Variants in KIF19 observed in about 807,000 individuals in gnomAD.
KIF19 encodes the protein kinesin family member 19, also known as kinesin-like protein KIF19.
A neutral mutation model predicts 106.6 loss-of-function variants in KIF19; 98 were observed. The ratio of observed to expected loss-of-function variants is 0.92; its 90% CI spans 0.78 to 1.09. KIF19 has a LOEUF of 1.09. KIF19 is among the 50% of genes least tolerant of loss of function. The probability of loss-of-function intolerance (pLI) is 0.00; values close to 1 mark genes in which losing one functional copy is unlikely to be tolerated. For synonymous variants in KIF19, 516 were observed against 584.2 expected (o/e 0.88, Z 1.68); for missense variants, 1,373 against 1,414.3 (o/e 0.97, Z 0.47).
intron 7 of KIF19, among the ~76,000 whole-genome samples, chr17:74,345,799 C>T (rs1180726493): frequency 6.6e-6 from 1 of 152,100 alleles, no homozygotes; most frequent in Non-Finnish European, 1.5e-5. Flanking sequence ...GGGGGGCTTC[C>T]TGGAAGGCAC....
Position 74,354,501 on chromosome 17 carries a change from C to T in KIF19, c.2648C>T (p.Ser883Leu), listed in dbSNP as rs774294166. 6 of 1,604,932 alleles carry T rather than the reference C, an allele frequency of 3.7e-6. 1 individual carries two copies. The highest frequency in any genetic ancestry group is 4.5e-5 in the East Asian group (2 of 44,578). ...KKSLGKKREE[S>L]LEAKRRKRRS... is the part of the protein sequence containing the mutation. ...AGCCTGGGCAAGAAAAGGGAGGAGT[C>T]GCTGGAGGCAAAGAGAAGGAAGCGG... Residue 883 changes from serine (S) to leucine (L), a missense_variant, in exon 18 of 20, where the codon TCG becomes TTG. Physicochemically the swap from Ser to Leu is moderately radical, Grantham distance 145. Coordinates refer to ENST00000389916, the MANE Select transcript of KIF19 (RefSeq NM_153209.4).
intron 2 of KIF19, among the ~76,000 whole-genome samples, chr17:74,336,998 G>A (rs983160320): frequency 1.3e-5 from 2 of 151,962 alleles, no homozygotes; most frequent in Admixed American, 6.6e-5. Context: ...GCTAGTTTTT[G>A]TATTTTTAGT....
At chr17:74,326,523 G>A in intron 1 of KIF19, 135 bp downstream of exon 1, 1 of 731,124 alleles carries the variant, frequency 1.4e-6, no homozygotes, top group Admixed American at 2.8e-5. Context: ...ACTCTTCAGA[G>A]CAACTTTCCC....
chr17:74,334,037 C>G (rs540763540), intron 2 of KIF19, among the ~76,000 whole-genome samples: 1 of 152,050 alleles, frequency 6.6e-6, no homozygotes, highest in East Asian at 1.9e-4. Flanking sequence ...CTTGCCCAGG[C>G]TGGTCTCAAA....
Position 74,352,359 on chromosome 17 carries a change from G to C in KIF19, c.1980+19G>C, listed in dbSNP as rs752762016. ...CCTGCAGGTGGGTGGGCGCCTGGGCGGCCTGAACATGGGCACATGTGCCCA... is the reference window on the plus strand; with the variant it reads ...CCTGCAGGTGGGTGGGCGCCTGGGCCGCCTGAACATGGGCACATGTGCCCA... On this transcript the variant is annotated intron_variant, in intron 14 of 19. Coordinates refer to ENST00000389916, the MANE Select transcript of KIF19 (RefSeq NM_153209.4). 3.1e-6 allele frequency: 5 copies of C among 1,596,204 alleles called. No homozygotes were observed. The Admixed American group carries it at 7.0e-5, about 22-fold the overall frequency.
Position 74,353,287 on chromosome 17 carries a change from C to T in KIF19, c.2206C>T (p.Leu736=). 6.4e-7 allele frequency: 1 copy of T among 1,572,758 alleles called. No individual in the cohort carries two copies. Among genetic ancestry groups the T allele is most frequent in the Non-Finnish European group, 8.6e-7 (1 of 1,159,722 alleles). Reference sequence around the variant, plus strand: ...CCCACCTCCCATCCAGCTCGGCAGCCTGGTGACGCAGGAGGTGAGCTCTCA... The same window carrying T: ...CCCACCTCCCATCCAGCTCGGCAGCTTGGTGACGCAGGAGGTGAGCTCTCA... The part of the protein sequence containing the change: ...PTPPPIQLGS[L]VTQEAPAQDS... Residue 736 remains leucine (L), a synonymous_variant, in exon 16 of 20, where the codon CTG becomes TTG. Coordinates refer to ENST00000389916, the MANE Select transcript of KIF19 (RefSeq NM_153209.4).
Position 74,355,429 on chromosome 17 carries a change from C to T in KIF19, c.*117C>T, listed in dbSNP as rs1423639791. The stretch of plus-strand genomic sequence containing the variant: ...CCAGGAAGTAAGCTCAGGATCTCAG[C>T]AGGCCAGGGCTCCTGAGACCCAGGA... On this transcript the variant is annotated 3_prime_UTR_variant, in exon 20 of 20. Coordinates refer to ENST00000389916, the MANE Select transcript of KIF19 (RefSeq NM_153209.4). 9 of 1,292,872 alleles carry T rather than the reference C, an allele frequency of 7.0e-6. No homozygotes were observed. In the Admixed American group the frequency reaches 2.6e-4, roughly 37 times the overall value. The allele number at this position is 1,292,872 out of a possible 1,614,324, so 80.1% of individuals were successfully genotyped here.
Position 74,351,981 on chromosome 17 carries a change from C to T in KIF19, c.1702C>T (p.Arg568Cys), listed in dbSNP as rs746682527. 1.3e-6 allele frequency: 2 copies of T among 1,536,282 alleles called. No homozygotes were observed. The highest frequency in any genetic ancestry group is 2.4e-5 in the South Asian group (2 of 83,702). The stretch of plus-strand genomic sequence containing the variant: ...GCGCGAGGTGCTCAGCCTGCTGTGC[C>T]GCGTGCACGAGCTCGAGGTGGAGAA... ...EQREVLSLLC[R>C]VHELEVENTE... Residue 568 changes from arginine to cysteine, a missense_variant, in exon 13 of 20, where the codon CGC becomes TGC. Physicochemically the swap from Arg to Cys is radical, Grantham distance 180. Around this residue, in one of 3 missense-constraint regions of KIF19, gnomAD observed 1,020 missense variants for 1,008.2 expected, o/e 1.01. Coordinates refer to ENST00000389916, the MANE Select transcript of KIF19 (RefSeq NM_153209.4).
chr17:74,327,677 T>C (rs1296776611), intron 1 of KIF19, among the ~76,000 whole-genome samples: 1 of 152,176 alleles, frequency 6.6e-6, no homozygotes, highest in Non-Finnish European at 1.5e-5. Flanking sequence ...TTCGCCGTGT[T>C]GGCCAGGCTG....
At chr17:74,353,390 T>C (rs2054776113) in intron 16 of KIF19, 89 bp downstream of exon 16, 2 of 1,442,872 alleles carry the variant, frequency 1.4e-6, no homozygotes, top group Non-Finnish European at 9.6e-7. Context: ...GATGGACCCT[T>C]TCCCAAACGG....
chr17:74,352,843 C>T lies in KIF19; in HGVS notation c.2003C>T (p.Thr668Ile). Residue 668 changes from threonine (T) to isoleucine (I), a missense_variant, in exon 15 of 20, where the codon ACC (threonine) becomes ATC (isoleucine). Coordinates refer to ENST00000389916, the MANE Select transcript of KIF19 (RefSeq NM_153209.4). ...CAGGACAGCTCCTTGCCCAAAATTA[C>T]CCCAGCAGGAACCTCACTGACCCCA... is the stretch of plus-strand genomic sequence containing the variant. ...ALQDSSLPKI[T>I]PAGTSLTPDS... is the part of the protein sequence containing the mutation. 1.9e-6 allele frequency: 3 copies of T among 1,613,974 alleles called. No individual in the cohort carries two copies. Among genetic ancestry groups the T allele is most frequent in the Non-Finnish European group, 1.7e-6 (2 of 1,179,868 alleles).
chr17:74,352,561 T>C (rs905292074), intron 14 of KIF19, among the ~76,000 whole-genome samples: 1 of 152,112 alleles, frequency 6.6e-6, no homozygotes, highest in South Asian at 2.1e-4. Context: ...CCACCCAGGG[T>C]CTGAGGGTCA....
chr17:74,341,386 C>A (rs1353057346), intron 2 of KIF19, among the ~76,000 whole-genome samples: 1 of 152,198 alleles, frequency 6.6e-6, no homozygotes, highest in Admixed American at 6.5e-5. Context: ...ACAAAATGAG[C>A]CCTGACAGAT....
Position 74,326,238 on chromosome 17 carries a change from A to T in KIF19, c.-112A>T. On this transcript the variant is annotated 5_prime_UTR_variant, in exon 1 of 20. Coordinates refer to ENST00000389916, the MANE Select transcript of KIF19 (RefSeq NM_153209.4). ...CGTTGTTGGTTTCGGGTTGTCAGGC[A>T]GCGCGCGAGGCGGCGGGCAGCTAGC... is the stretch of plus-strand genomic sequence containing the variant. 3 of 987,074 alleles carry T rather than the reference A, an allele frequency of 3.0e-6. No individual in the cohort carries two copies. Among genetic ancestry groups the T allele is most frequent in the Non-Finnish European group, 2.9e-6 (2 of 689,436 alleles). 61.1% of individuals were successfully genotyped at this position (987,074 alleles called of 1,614,324 possible). A position where few individuals can be genotyped will look rare whatever the true frequency, so the allele number is the denominator to read the frequency against.
chr17:74,352,863 A>T lies in KIF19; in HGVS notation c.2023A>T (p.Thr675Ser), dbSNP rs1373361888. ...PKITPAGTSL[T>S]PDSDLESVKT... is the part of the protein sequence containing the mutation. ...AATTACCCCAGCAGGAACCTCACTG[A>T]CCCCAGATTCTGACCTGGAGAGTGT... Residue 675 changes from threonine (T) to serine (S), a missense_variant, in exon 15 of 20, where the codon ACC becomes TCC. Transcript: ENST00000389916. 1.4e-5 allele frequency: 22 copies of T among 1,613,876 alleles called. No individual in the cohort carries two copies. The highest frequency in any genetic ancestry group is 1.9e-5 in the Non-Finnish European group (22 of 1,179,856).
chr17:74,352,243 G>A lies in KIF19; in HGVS notation c.1883G>A (p.Arg628His), dbSNP rs754987099. Residue 628 changes from arginine (R) to histidine (H), a missense_variant, in exon 14 of 20, where the codon CGC becomes CAC. Physicochemically the swap from Arg to His is conservative, Grantham distance 29. Around this residue, in one of 3 missense-constraint regions of KIF19, gnomAD observed 1,020 missense variants for 1,008.2 expected, o/e 1.01. Transcript: ENST00000389916. Reference protein sequence around the residue: ...IDDYNLAVPQRLEELYEVYLR... With the variant: ...IDDYNLAVPQHLEELYEVYLR... ...GACTACAACCTGGCCGTCCCGCAGC[G>A]CCTGGAAGAGCTCTACGAAGTGTAC... 1 of 1,612,902 alleles carries A rather than the reference G, an allele frequency of 6.2e-7. No individual in the cohort carries two copies. Among genetic ancestry groups the A allele is most frequent in the Non-Finnish European group, 8.5e-7 (1 of 1,179,680 alleles).
At chr17:74,347,153 A>C (rs866623114) in intron 8 of KIF19, among the ~76,000 whole-genome samples, 1 of 152,166 alleles carries the variant, frequency 6.6e-6, no homozygotes, top group Non-Finnish European at 1.5e-5. Flanking sequence ...TATCAGAGTC[A>C]CCGCTTACTT....
Position 74,354,773 on chromosome 17 carries a change from C to A in KIF19, c.2707-9C>A. On this transcript the variant is annotated splice_polypyrimidine_tract_variant and intron_variant, in intron 18 of 19. Transcript: ENST00000389916. ...CTCTCGGCCTCACCCCACTGTTCAA[C>A]CATCACAGCTCTCCCACCCCAAGAC... 1 of 1,553,124 alleles carries A rather than the reference C, an allele frequency of 6.4e-7. No homozygotes were observed.
chr17:74,350,845 C>T lies in KIF19; in HGVS notation c.1527C>T (p.Ala509=), dbSNP rs772925579. Reference sequence around the variant, plus strand: ...ACATCCTGGAGCCACCCGAGGTGGCCGCAGCCCGGGAGAGCATTGCAGCCC... The same window carrying T: ...ACATCCTGGAGCCACCCGAGGTGGCTGCAGCCCGGGAGAGCATTGCAGCCC... ...QPDILEPPEV[A]AARESIAALV... The change falls in exon 12 of 20, where the codon GCC becomes GCT. Residue 509 remains alanine, a synonymous_variant. Coordinates refer to ENST00000389916, the MANE Select transcript of KIF19 (RefSeq NM_153209.4). 1.2e-5 allele frequency: 20 copies of T among 1,613,832 alleles called. No homozygotes were observed. Among genetic ancestry groups the T allele is most frequent in the African/African-American group, 5.3e-5 (4 of 74,914 alleles).
Sources: gnomAD v4.1 joint callset for allele counts (sites outside exome capture counted in the v4.1 genomes callset) on GRCh38, gnomAD v4.1.1 for gene constraint, gnomAD v4.1.1 regional missense constraint, MANE v1.5 for transcripts, NCBI Gene and HGNC (gene_info 2026-07-23, HGNC 2026-07-21) for gene names.